Variants in ATP8A2 observed in about 807,000 individuals in gnomAD.
ATP8A2 encodes ATPase phospholipid transporting 8A2.
In ATP8A2, 100 loss-of-function variants were observed where a neutral mutation model predicts 165.6. The ratio of observed to expected loss-of-function variants is 0.60; its 90% CI spans 0.51 to 0.71. The LOEUF (loss-of-function observed/expected upper bound fraction) is 0.71. Ranked by LOEUF, ATP8A2 falls within the 30% of genes least tolerant of loss-of-function variation. The probability of loss-of-function intolerance (pLI) is 0.00; values close to 1 mark genes in which losing one functional copy is unlikely to be tolerated. For synonymous variants in ATP8A2, 543 were observed against 548.8 expected (o/e 0.99, Z 0.15); for missense variants, 1,227 against 1,479.5 (o/e 0.83, Z 2.80).
intron 33 of ATP8A2, among the ~76,000 whole-genome samples, chr13:25,894,911 T>G (rs1953487153): frequency 6.6e-6 from 1 of 152,114 alleles, no homozygotes; most frequent in Non-Finnish European, 1.5e-5. Context: ...CTGAAGTTGC[T>G]TATCAGCTTA....
At chr13:25,521,573 G>T (rs115409193) in intron 2 of ATP8A2, among the ~76,000 whole-genome samples, 1 of 152,230 alleles carries the variant, frequency 6.6e-6, no homozygotes, top group African/African-American at 2.4e-5. Flanking sequence ...TAGGGGTCTA[G>T]ATTTCTTTTT....
chr13:25,955,254 A>C (rs1460314267), intron 33 of ATP8A2, among the ~76,000 whole-genome samples: 4 of 152,248 alleles, frequency 2.6e-5, no homozygotes, highest in African/African-American at 4.8e-5. Context: ...TACTAGGAGA[A>C]GACAAGAAAT....
intron 33 of ATP8A2, chr13:25,867,855 C>T (rs879151170): frequency 2.1e-5 from 4 of 187,904 alleles, no homozygotes; most frequent in East Asian, 1.6e-4. Flanking sequence ...CCCTCAGAAT[C>T]CTACTATAGC....
Position 25,989,255 on chromosome 13 carries a change from G to A in ATP8A2, c.3377+20576G>A, listed in dbSNP as rs183818824. ...TGTGTGCATTGAAGAAAGTGTTAGG[G>A]AAAGAGGAGAGACGAGTATGGGGAA... is the stretch of plus-strand genomic sequence containing the variant. On this transcript the variant is annotated intron_variant, in intron 35 of 36. Transcript: ENST00000381655. Among the ~76,000 whole-genome samples the A allele has an allele frequency of 6.4e-3, 971 of 152,300 alleles. 5 individuals carry two copies. The highest frequency in any genetic ancestry group is 0.027 in the Middle Eastern group (8 of 294).
intron 30 of ATP8A2, among the ~76,000 whole-genome samples, chr13:25,853,627 T>G (rs371392983): frequency 6.6e-6 from 1 of 152,180 alleles, no homozygotes; most frequent in Admixed American, 6.5e-5. Context: ...TAGTCTCCCA[T>G]GCCTGCTAAC....
At chr13:25,911,837 C>G (rs754733326) in intron 33 of ATP8A2, among the ~76,000 whole-genome samples, 10 of 152,158 alleles carry the variant, frequency 6.6e-5, no homozygotes, top group African/African-American at 1.9e-4. Flanking sequence ...TCTTACAGAT[C>G]GTTTTGCCTG....
At chr13:25,761,051 C>T (rs1176084209) in intron 25 of ATP8A2, among the ~76,000 whole-genome samples, 2 of 152,206 alleles carry the variant, frequency 1.3e-5, no homozygotes, top group African/African-American at 2.4e-5. Flanking sequence ...TGCCTCTCCC[C>T]TCACCTTTGC....
At chr13:25,640,405 A>T (rs1209159320) in intron 24 of ATP8A2, among the ~76,000 whole-genome samples, 1 of 152,234 alleles carries the variant, frequency 6.6e-6, no homozygotes, top group Non-Finnish European at 1.5e-5. Context: ...GACACAATAA[A>T]AAATGATAAA....
chr13:25,636,865 G>A (rs1202984048), intron 24 of ATP8A2, among the ~76,000 whole-genome samples: 1 of 152,114 alleles, frequency 6.6e-6, no homozygotes, highest in Non-Finnish European at 1.5e-5. Flanking sequence ...GACCAAGGCA[G>A]GATGATTGCT....
chr13:25,808,949 C>T (rs1950802441), intron 27 of ATP8A2, among the ~76,000 whole-genome samples: 3 of 152,066 alleles, frequency 2.0e-5, no homozygotes, highest in Non-Finnish European at 2.9e-5. Flanking sequence ...CTAAGGAATA[C>T]AAATCTCAGA....
chr13:25,410,863 C>G (rs1239963441), intron 1 of ATP8A2, among the ~76,000 whole-genome samples: 1 of 152,226 alleles, frequency 6.6e-6, no homozygotes, highest in Non-Finnish European at 1.5e-5. Context: ...CTACTCCCTT[C>G]TAGGCCTGCA....
At chr13:25,888,069 C>T (rs1593507648) in intron 33 of ATP8A2, among the ~76,000 whole-genome samples, 1 of 60,894 alleles carries the variant, frequency 1.6e-5, no homozygotes, top group Admixed American at 1.8e-4. Flanking sequence ...AGAACCCAGA[C>T]CCCCCCCCCG....
At chr13:25,734,714 C>T (rs1422902436) in intron 25 of ATP8A2, among the ~76,000 whole-genome samples, 5 of 152,192 alleles carry the variant, frequency 3.3e-5, no homozygotes, top group African/African-American at 4.8e-5. Flanking sequence ...TCTCAGCTCA[C>T]TGCAACCCCC....
At chr13:25,890,582 T>C (rs914501662) in intron 33 of ATP8A2, among the ~76,000 whole-genome samples, 1 of 152,258 alleles carries the variant, frequency 6.6e-6, no homozygotes, top group Non-Finnish European at 1.5e-5. Flanking sequence ...CTAAAGTCTC[T>C]ATCAGACAGA....
chr13:25,482,201 G>A (rs1021389014), intron 2 of ATP8A2, among the ~76,000 whole-genome samples: 10 of 152,150 alleles, frequency 6.6e-5, no homozygotes, highest in Non-Finnish European at 8.8e-5. Flanking sequence ...ATTAGGGCCC[G>A]CCTTAGAGGA....
At chr13:25,971,555 A>G (rs1955913696) in intron 35 of ATP8A2, among the ~76,000 whole-genome samples, 1 of 151,960 alleles carries the variant, frequency 6.6e-6, no homozygotes. Context: ...ACCGCACAGG[A>G]AACTCTGTCA....
In ATP8A2 at chr13:25,750,146, C is replaced by T. The variant is rs2044122889; in HGVS notation, c.2385-18900C>T. Among the ~76,000 whole-genome samples, 2 of 152,174 alleles carry T rather than the reference C, an allele frequency of 1.3e-5. No individual in the cohort carries two copies. Among genetic ancestry groups the T allele is most frequent in the Admixed American group, 6.5e-5 (1 of 15,286 alleles). On this transcript the variant is annotated intron_variant, in intron 25 of 36. Coordinates refer to ENST00000381655, the MANE Select transcript of ATP8A2 (RefSeq NM_016529.6). This position sits in a 1 kb window ranked among gnomAD's most constrained non-coding sequence, Gnocchi z 4.3. ...TTTACTTATTTGTGTCCCTCTAAAG[C>T]CACAGTAAGGAGAACTTCGGTGAAG...
chr13:25,751,144 A>G (rs774565804), intron 25 of ATP8A2, among the ~76,000 whole-genome samples: 1 of 152,190 alleles, frequency 6.6e-6, no homozygotes, highest in Non-Finnish European at 1.5e-5. Flanking sequence ...ATTTGAAAGT[A>G]ACTAAGTCAA....
At chr13:25,495,492 CTCTGT>C (rs1566184389) in intron 2 of ATP8A2, among the ~76,000 whole-genome samples, 1 of 152,088 alleles carries the variant, frequency 6.6e-6, no homozygotes, top group Non-Finnish European at 1.5e-5. Context: ...CAGAGTCTTG[CTCTGT>C]TACCCAGGCT....
Sources: gnomAD v4.1 joint callset for allele counts (sites outside exome capture counted in the v4.1 genomes callset) on GRCh38, gnomAD v4.1.1 for gene constraint, Gnocchi (gnomAD v3.1) non-coding constraint, MANE v1.5 for transcripts, NCBI Gene and HGNC (gene_info 2026-07-23, HGNC 2026-07-21) for gene names.